FBXL17: variants seen among roughly 807,000 people sequenced by gnomAD.
The protein encoded by FBXL17 is F-box and leucine rich repeat protein 17.
FBXL17 carries 22 observed loss-of-function variants against 66.2 expected under a neutral mutation model. The observed-to-expected ratio is 0.33, with a 90% CI of 0.24 to 0.47. FBXL17 has a LOEUF of 0.47. Among genes scored for constraint, FBXL17 ranks in the 20% least tolerant of loss-of-function variants. The pLI is 1.00. For missense variants in FBXL17, 878 were observed against 948.2 expected, an observed-to-expected ratio of 0.93 and a Z score of 0.97; for synonymous variants, 474 against 400.5, an observed-to-expected ratio of 1.18 and a Z score of -2.19.
At chr5:108,142,064 A>G (rs1206554557) in intron 6 of FBXL17, among the ~76,000 whole-genome samples, 1 of 152,226 alleles carries the variant, frequency 6.6e-6, no homozygotes, top group Non-Finnish European at 1.5e-5. Context: ...TTATCTTTAA[A>G]TCCCTGGCAC....
At chr5:108,213,948 A>G (rs766548809) in intron 5 of FBXL17, among the ~76,000 whole-genome samples, 6 of 151,924 alleles carry the variant, frequency 3.9e-5, no homozygotes, top group Non-Finnish European at 7.4e-5. Flanking sequence ...ATTTTTCCCA[A>G]TCTGGGGCTT....
chr5:108,007,057 T>C (rs1753954563), intron 7 of FBXL17, among the ~76,000 whole-genome samples: 1 of 152,230 alleles, frequency 6.6e-6, no homozygotes, highest in African/African-American at 2.4e-5. Context: ...AACGCTCTTT[T>C]TGCCTCAGTA....
intron 4 of FBXL17, among the ~76,000 whole-genome samples, chr5:108,296,763 T>C (rs1268764927): frequency 6.6e-6 from 1 of 151,736 alleles, no homozygotes; most frequent in East Asian, 1.9e-4. Flanking sequence ...AAATCTATCA[T>C]TAAAATATCT....
intron 6 of FBXL17, among the ~76,000 whole-genome samples, chr5:108,072,761 T>G (rs1301816508): frequency 6.6e-6 from 1 of 152,098 alleles, no homozygotes; most frequent in Non-Finnish European, 1.5e-5. Flanking sequence ...CTTCAACCAA[T>G]CACAACATTT....
rs528742239 is a variant in FBXL17, at chr5:107,899,818, G to A, written c.1823-18639C>T. Among the ~76,000 whole-genome samples, 4 of 152,214 alleles carry A rather than the reference G, an allele frequency of 2.6e-5. No homozygotes were observed. The South Asian group carries it at 8.3e-4, about 32-fold the overall frequency. ...ATTTAAAATTAAATCCTGAGGAGGG[G>A]GAGTGAGGGTTGAAAAAATACCTGT... On this transcript the variant is annotated intron_variant, in intron 7 of 8. Transcript: ENST00000542267.
chr5:108,194,316 C>T (rs1174088432), intron 5 of FBXL17, among the ~76,000 whole-genome samples: 1 of 152,084 alleles, frequency 6.6e-6, no homozygotes, highest in Non-Finnish European at 1.5e-5. Context: ...TCCTCTTATT[C>T]CACTACCTGG....
intron 6 of FBXL17, among the ~76,000 whole-genome samples, chr5:108,182,231 T>A (rs1753033703): frequency 6.6e-6 from 1 of 152,130 alleles, no homozygotes; most frequent in African/African-American, 2.4e-5. Flanking sequence ...AGGATAATAA[T>A]AATGAACGAA....
chr5:108,177,932 T>TATATATATATATATATACACAC (rs1242739302), intron 6 of FBXL17, among the ~76,000 whole-genome samples: 6 of 126,900 alleles, frequency 4.7e-5, no homozygotes, highest in Non-Finnish European at 7.0e-5. Context: ...TATATATATA[T>TATATATATATATATATACACAC]ACACACACAC....
intron 4 of FBXL17, among the ~76,000 whole-genome samples, chr5:108,303,902 A>T (rs1020763025): frequency 6.6e-6 from 1 of 151,976 alleles, no homozygotes; most frequent in Non-Finnish European, 1.5e-5. Flanking sequence ...TTCAATAGAT[A>T]TAACAACGTA....
intron 4 of FBXL17, among the ~76,000 whole-genome samples, chr5:108,296,267 AGAG>A (rs1187780586): frequency 6.6e-6 from 1 of 151,832 alleles, no homozygotes; most frequent in African/African-American, 2.4e-5. Context: ...GGAAAAAGCA[AGAG>A]GAGTCAAGGG....
chr5:108,055,425 A>T (rs1163011100), intron 6 of FBXL17, among the ~76,000 whole-genome samples: 1 of 150,956 alleles, frequency 6.6e-6, no homozygotes, highest in Non-Finnish European at 1.5e-5. Context: ...TGGCTAACAC[A>T]GTGAAACTCC....
At chr5:107,959,381 A>AGCACAC (rs1408193253) in intron 7 of FBXL17, among the ~76,000 whole-genome samples, 2 of 147,886 alleles carry the variant, frequency 1.4e-5, no homozygotes, top group African/African-American at 5.1e-5. Context: ...GGCTGCTATA[A>AGCACAC]ACACACACAC....
chr5:107,890,505 T>A, intron 7 of FBXL17, among the ~76,000 whole-genome samples: 1 of 149,734 alleles, frequency 6.7e-6, no homozygotes, highest in East Asian at 2.0e-4. Context: ...CTACAAAAAA[T>A]AAAAAAAAAT....
intron 6 of FBXL17, among the ~76,000 whole-genome samples, chr5:108,026,780 T>C (rs1052896928): frequency 6.6e-6 from 1 of 152,210 alleles, no homozygotes; most frequent in Non-Finnish European, 1.5e-5. Context: ...AGCAAACCGA[T>C]GCCCATTTTG....
intron 7 of FBXL17, among the ~76,000 whole-genome samples, chr5:107,977,824 G>T (rs1752640917): frequency 6.6e-6 from 1 of 152,196 alleles, no homozygotes; most frequent in Non-Finnish European, 1.5e-5. Context: ...AACATTTCTT[G>T]TATGGCTGGA....
intron 4 of FBXL17, among the ~76,000 whole-genome samples, chr5:108,275,145 G>A (rs1757433232): frequency 6.6e-6 from 1 of 152,158 alleles, no homozygotes; most frequent in Non-Finnish European, 1.5e-5. Flanking sequence ...TACTTATAAT[G>A]AATGCTGAAT....
chr5:107,870,887 G>C (rs1286379529), intron 8 of FBXL17, among the ~76,000 whole-genome samples: 1 of 151,828 alleles, frequency 6.6e-6, no homozygotes, highest in Non-Finnish European at 1.5e-5. Flanking sequence ...GAAATTTTAA[G>C]AAGAAAAGTT....
At chr5:107,942,725 G>C (rs777993335) in intron 7 of FBXL17, among the ~76,000 whole-genome samples, 4 of 149,616 alleles carry the variant, frequency 2.7e-5, no homozygotes, top group African/African-American at 9.9e-5. Flanking sequence ...TTATTTTAAC[G>C]ATCTCCCATT....
chr5:108,372,136 T>C (rs549784675), intron 1 of FBXL17, among the ~76,000 whole-genome samples: 2 of 152,350 alleles, frequency 1.3e-5, no homozygotes, highest in African/African-American at 4.8e-5. Context: ...CAAATGAAGC[T>C]TGTTGTGTGT....
Sources: allele counts gnomAD v4.1 joint callset (sites outside exome capture counted in the v4.1 genomes callset), GRCh38; gene constraint gnomAD v4.1.1; transcripts MANE v1.5; gene names NCBI Gene and HGNC (gene_info 2026-07-23, HGNC 2026-07-21).